The following RAB31 variants were observed in gnomAD, a reference collection of about 807,000 sequenced individuals.
RAB31 encodes the protein RAB31, member RAS oncogene family.
In RAB31, 21 loss-of-function variants were observed where a neutral mutation model predicts 25.6. The ratio of observed to expected loss-of-function variants is 0.82; its 90% confidence interval spans 0.58 to 1.18. The LOEUF is 1.18. Ranked by LOEUF, RAB31 falls within the 50% of genes most tolerant of loss-of-function variation. The pLI is 0.00. For missense variants in RAB31, 196 were observed against 250.1 expected (o/e 0.78, Z 1.46); for synonymous variants, 87 against 84.0 (o/e 1.04, Z -0.20).
chr18:9,806,311 T>C (rs991227325), intron 3 of RAB31, among the ~76,000 whole-genome samples: 5 of 152,240 alleles, frequency 3.3e-5, no homozygotes, highest in African/African-American at 7.2e-5. Flanking sequence ...TTTTATTACA[T>C]GCATTCAGTC....
chr18:9,715,465 T>C (rs2068039473), intron 1 of RAB31, among the ~76,000 whole-genome samples: 1 of 151,442 alleles, frequency 6.6e-6, no homozygotes, highest in Non-Finnish European at 1.5e-5. Context: ...GAAAGGACTA[T>C]GAATGTCCCC....
intron 6 of RAB31, among the ~76,000 whole-genome samples, chr18:9,856,850 T>A (rs569234267): frequency 6.6e-6 from 1 of 152,288 alleles, no homozygotes; most frequent in African/African-American, 2.4e-5. Context: ...TCTTCAGGAG[T>A]AAGTAACTCT....
intron 1 of RAB31, among the ~76,000 whole-genome samples, chr18:9,718,408 C>A (rs949345230): frequency 6.6e-6 from 1 of 151,768 alleles, no homozygotes; most frequent in Non-Finnish European, 1.5e-5. Context: ...TACAGGCATG[C>A]GCCACCATGC....
At position 9,776,662 on chromosome 18, in the gene RAB31, C is replaced by T. The variant is rs577680256; in HGVS notation, c.119+1305C>T. ...ATGCTGGCAGAAGACAGAAGACCCC[C>T]GAGTCACAGACAGAGGCAATAGCAA... On this transcript the variant is annotated intron_variant, in intron 2 of 6. Coordinates refer to ENST00000578921, the MANE Select transcript of RAB31 (RefSeq NM_006868.4). Among the ~76,000 whole-genome samples, 6 of 152,234 alleles carry T rather than the reference C, an allele frequency of 3.9e-5. No homozygotes were observed. The East Asian group carries it at 7.7e-4, about 20-fold the overall frequency.
chr18:9,781,377 C>T lies in RAB31; in HGVS notation c.119+6020C>T, dbSNP rs140751064. Reference sequence around the variant, plus strand: ...TGTTGCCCATGCTGGAGCACAGTGACGCGATCTTGGCTCACTGCAACCTTT... The same window carrying T: ...TGTTGCCCATGCTGGAGCACAGTGATGCGATCTTGGCTCACTGCAACCTTT... On this transcript the variant is annotated intron_variant, in intron 2 of 6. Transcript: ENST00000578921. 2.3e-3 allele frequency among the ~76,000 whole-genome samples: 347 copies of T among 152,182 alleles called. 2 individuals carry two copies. Among genetic ancestry groups the T allele is most frequent in the African/African-American group, 8.0e-3 (331 of 41,502 alleles).
intron 5 of RAB31, among the ~76,000 whole-genome samples, chr18:9,837,239 G>C (rs137899646): frequency 2.4e-4 from 36 of 152,264 alleles, no homozygotes; most frequent in African/African-American, 8.2e-4. Flanking sequence ...TGTATATAAA[G>C]ATATTTGAAA....
intron 1 of RAB31, among the ~76,000 whole-genome samples, chr18:9,750,282 C>T (rs1270224090): frequency 6.6e-6 from 1 of 152,194 alleles, no homozygotes; most frequent in South Asian, 2.1e-4. Context: ...ATAGAAAACT[C>T]GGGCTGCCTT....
intron 3 of RAB31, among the ~76,000 whole-genome samples, chr18:9,805,793 C>A (rs767520774): frequency 1.3e-5 from 2 of 152,168 alleles, no homozygotes; most frequent in Non-Finnish European, 2.9e-5. Context: ...ACTGAAGCAA[C>A]GTTTCATTTC....
At chr18:9,827,329 A>G (rs935767183) in intron 5 of RAB31, among the ~76,000 whole-genome samples, 6 of 152,022 alleles carry the variant, frequency 3.9e-5, no homozygotes, top group African/African-American at 1.2e-4. Flanking sequence ...GACCTAGTTT[A>G]TTTTATCTTA....
intron 2 of RAB31, among the ~76,000 whole-genome samples, chr18:9,776,875 T>C (rs2068374889): frequency 6.6e-6 from 1 of 152,084 alleles, no homozygotes; most frequent in East Asian, 1.9e-4. Flanking sequence ...AGGTTGAGCA[T>C]CCCTAATCCA....
At chr18:9,818,791 A>T (rs1442712861) in intron 5 of RAB31, among the ~76,000 whole-genome samples, 1 of 152,226 alleles carries the variant, frequency 6.6e-6, no homozygotes, top group Non-Finnish European at 1.5e-5. Flanking sequence ...AGATATCCAC[A>T]TCCTCACCAA....
intron 1 of RAB31, among the ~76,000 whole-genome samples, chr18:9,760,792 A>G (rs1198347935): frequency 6.6e-6 from 1 of 152,194 alleles, no homozygotes; most frequent in East Asian, 1.9e-4. Context: ...GATGGGAGGA[A>G]CTGAAACAGC....
At chr18:9,820,960 C>T (rs1237200247) in intron 5 of RAB31, among the ~76,000 whole-genome samples, 3 of 151,868 alleles carry the variant, frequency 2.0e-5, no homozygotes, top group East Asian at 1.9e-4. Context: ...TTTTCTGGTT[C>T]GCTAAGGAGA....
At chr18:9,771,976 T>A (rs2068347575) in intron 1 of RAB31, among the ~76,000 whole-genome samples, 1 of 152,240 alleles carries the variant, frequency 6.6e-6, no homozygotes, top group Admixed American at 6.5e-5. Context: ...GCAGACTTGC[T>A]GCTGTAACTC....
At position 9,742,237 on chromosome 18, in the gene RAB31, G is replaced by T. The variant is rs149224718; in HGVS notation, c.40-33041G>T. ...ATCGCGATATTGCAGCGCAGAGTTG[G>T]TGGAAACAGCAAGCAAGGGTTTCGA... On this transcript the variant is annotated intron_variant, in intron 1 of 6. Coordinates refer to ENST00000578921, the MANE Select transcript of RAB31 (RefSeq NM_006868.4). Among the ~76,000 whole-genome samples the T allele has an allele frequency of 5.9e-5, 9 of 152,334 alleles. No individual in the cohort carries two copies. The East Asian group carries it at 1.7e-3, about 29-fold the overall frequency.
intron 1 of RAB31, among the ~76,000 whole-genome samples, chr18:9,739,304 C>G (rs962979900): frequency 6.6e-6 from 1 of 152,110 alleles, no homozygotes; most frequent in Non-Finnish European, 1.5e-5. Flanking sequence ...GAAACTCCGT[C>G]TCTACTAAAA....
chr18:9,739,755 A>C (rs137981104), intron 1 of RAB31, among the ~76,000 whole-genome samples: 227 of 152,212 alleles, frequency 1.5e-3, no homozygotes, highest in African/African-American at 5.3e-3. Context: ...GGGTCATCAC[A>C]TTGTATACTC....
intron 5 of RAB31, among the ~76,000 whole-genome samples, chr18:9,818,625 T>A (rs1256484028): frequency 6.6e-6 from 1 of 152,236 alleles, no homozygotes; most frequent in African/African-American, 2.4e-5. Flanking sequence ...TTTGCTATTA[T>A]GAAAAATGTT....
chr18:9,828,222 G>A (rs562907630), intron 5 of RAB31, among the ~76,000 whole-genome samples: 1 of 152,272 alleles, frequency 6.6e-6, no homozygotes, highest in South Asian at 2.1e-4. Flanking sequence ...GATGGTGTGG[G>A]TCTCAGAAGC....
Sources: allele counts gnomAD v4.1 joint callset (sites outside exome capture counted in the v4.1 genomes callset), GRCh38; gene constraint gnomAD v4.1.1; transcripts MANE v1.5; gene names NCBI Gene and HGNC (gene_info 2026-07-23, HGNC 2026-07-21).